The following GTF2H5 variants were observed in gnomAD, a reference collection of about 807,000 sequenced individuals.
The protein encoded by GTF2H5 is TFB5 ortholog.
A neutral mutation model predicts 7.1 loss-of-function variants in GTF2H5; 5 were observed. That is an observed-to-expected ratio of 0.71 (90% CI 0.37 to 1.49). The LOEUF (loss-of-function observed/expected upper bound fraction) is 1.49. GTF2H5 is among the 40% of genes most tolerant of loss of function. The probability of loss-of-function intolerance (pLI) is 0.03; values close to 1 mark genes in which losing one functional copy is unlikely to be tolerated. For synonymous variants in GTF2H5, 30 were observed against 31.7 expected (o/e 0.95, Z 0.18); for missense variants, 80 against 83.0 (o/e 0.96, Z 0.14).
chr6:158,177,679 G>A (rs939173139), intron 2 of GTF2H5, among the ~76,000 whole-genome samples: 5 of 152,088 alleles, frequency 3.3e-5, no homozygotes, highest in Admixed American at 1.3e-4. Context: ...CCATCTACCC[G>A]TCACCTACAC....
intron 1 of GTF2H5, among the ~76,000 whole-genome samples, chr6:158,169,871 T>G (rs1785825811): frequency 7.0e-6 from 1 of 143,036 alleles, no homozygotes; most frequent in Non-Finnish European, 1.5e-5. Flanking sequence ...ACACAGTACA[T>G]TAGCTGGGCT....
Position 158,198,560 on chromosome 6 carries a change from A to C in GTF2H5, c.*6403A>C, listed in dbSNP as rs1357943194. The C allele has an allele frequency of 1.3e-5, 2 of 152,196 alleles. No homozygotes were observed. Among genetic ancestry groups the C allele is most frequent in the African/African-American group, 2.4e-5 (1 of 41,454 alleles). The allele number at this position is 152,196 out of a possible 1,614,324, so 9.4% of individuals were successfully genotyped here. A position where few individuals can be genotyped will look rare whatever the true frequency, so the allele number is the denominator to read the frequency against. ...TCGTGCCTCAGCCATCCCTATAGGC[A>C]TGCGCCACCACACTTTGCTAATCTT... On this transcript the variant is annotated 3_prime_UTR_variant, in exon 3 of 3. Transcript: ENST00000607778.
At position 158,169,468 on chromosome 6, in the gene GTF2H5, T is replaced by A. The variant is rs1249022120; in HGVS notation, c.-34-1002T>A. On this transcript the variant is annotated intron_variant, in intron 1 of 2. Transcript: ENST00000607778. ...ATATTATATATTATATATATTATAT[T>A]GTATATTATATATAATATATTGTAT... Among the ~76,000 whole-genome samples, 12 of 65,244 alleles carry A rather than the reference T, an allele frequency of 1.8e-4. 1 individual carries two copies. Among genetic ancestry groups the A allele is most frequent in the African/African-American group, 7.0e-4 (9 of 12,836 alleles). 42.8% of individuals were successfully genotyped at this position (65,244 alleles called of 152,430 possible).
chr6:158,191,718 G>C (rs951683754), intron 2 of GTF2H5, among the ~76,000 whole-genome samples: 2 of 152,144 alleles, frequency 1.3e-5, no homozygotes, highest in African/African-American at 4.8e-5. Context: ...TCCTGACCTG[G>C]TGATCCACCC....
Position 158,170,451 on chromosome 6 carries a change from A to G in GTF2H5, c.-34-19A>G, listed in dbSNP as rs1237904068. ...AGTTAATGATTTTTAATTTAATGTT[A>G]CCTTACTCTTTTTATTAGCATTCTT... On this transcript the variant is annotated intron_variant, in intron 1 of 2. Transcript: ENST00000607778. 1.1e-5 allele frequency: 16 copies of G among 1,433,416 alleles called. No individual in the cohort carries two copies. The highest frequency in any genetic ancestry group is 1.6e-5 in the Non-Finnish European group (16 of 1,015,796). The allele number at this position is 1,433,416 out of a possible 1,614,324, so 88.8% of individuals were successfully genotyped here.
intron 2 of GTF2H5, among the ~76,000 whole-genome samples, chr6:158,183,643 C>T (rs1415518468): frequency 6.6e-6 from 1 of 152,204 alleles, no homozygotes; most frequent in Non-Finnish European, 1.5e-5. Flanking sequence ...CTCCGGTGTC[C>T]CAAGTCAATC....
chr6:158,174,748 G>A (rs1583629479), intron 2 of GTF2H5, among the ~76,000 whole-genome samples: 1 of 152,314 alleles, frequency 6.6e-6, no homozygotes, highest in East Asian at 1.9e-4. Context: ...GCAAAGATTT[G>A]TTGCCAAGGT....
rs112043519 is a variant in GTF2H5 at position 158,191,681 on chromosome 6, A to G, written c.36-296A>G. Reference sequence around the variant, plus strand: ...GTATTTTTAGTAGAGACGGGGTTTCACCGTGTTAGCCAGGATGGTCTCGAT... The same window carrying G: ...GTATTTTTAGTAGAGACGGGGTTTCGCCGTGTTAGCCAGGATGGTCTCGAT... On this transcript the variant is annotated intron_variant, in intron 2 of 2. Transcript: ENST00000607778. Among the ~76,000 whole-genome samples, 5,362 of 152,104 alleles carry G rather than the reference A, an allele frequency of 0.035. 305 individuals carry two copies. Among genetic ancestry groups the G allele is most frequent in the African/African-American group, 0.12 (5,059 of 41,436 alleles).
rs911537710 is a variant in GTF2H5 at position 158,194,000 on chromosome 6, A to C, written c.*1843A>C. The C allele has an allele frequency of 7.2e-5, 11 of 151,944 alleles. No individual in the cohort carries two copies. The highest frequency in any genetic ancestry group is 4.6e-4 in the Admixed American group (7 of 15,238). 9.4% of individuals were successfully genotyped at this position (151,944 alleles called of 1,614,324 possible). A position where few individuals can be genotyped will look rare whatever the true frequency, so the allele number is the denominator to read the frequency against. The stretch of plus-strand genomic sequence containing the variant: ...GGAGACTCCATCTCAAAAAAAAAAA[A>C]AAAAAAAAATGAATTTCCAGCTATA... On this transcript the variant is annotated 3_prime_UTR_variant, in exon 3 of 3. Coordinates refer to ENST00000607778, the MANE Select transcript of GTF2H5 (RefSeq NM_207118.3).
intron 1 of GTF2H5, among the ~76,000 whole-genome samples, chr6:158,169,403 T>C (rs1400511738): frequency 1.4e-5 from 1 of 70,362 alleles, no homozygotes; most frequent in East Asian, 7.8e-4. Flanking sequence ...AATATTATAT[T>C]GTATATTATA....
intron 1 of GTF2H5, among the ~76,000 whole-genome samples, chr6:158,170,045 G>T (rs1245242858): frequency 6.6e-6 from 1 of 151,702 alleles, no homozygotes; most frequent in Non-Finnish European, 1.5e-5. Flanking sequence ...TAAACTAAAA[G>T]GAGGTGGTTG....
At chr6:158,174,731 T>G (rs1326785081) in intron 2 of GTF2H5, among the ~76,000 whole-genome samples, 2 of 152,214 alleles carry the variant, frequency 1.3e-5, no homozygotes, top group Non-Finnish European at 2.9e-5. Flanking sequence ...GTTTGGCAAG[T>G]GCTTCAGCAA....
rs989018462 is a variant in GTF2H5 at position 158,193,993 on chromosome 6, A to AAAG, written c.*1838_*1839insGAA. ...GACAGAGGGAGACTCCATCTCAAAA[A>AAAG]AAAAAAAAAAAAAAAATGAATTTCC... On this transcript the variant is annotated 3_prime_UTR_variant, in exon 3 of 3. Transcript: ENST00000607778. The AAAG allele has an allele frequency of 2.6e-5, 4 of 151,046 alleles. No homozygotes were observed. The highest frequency in any genetic ancestry group is 9.8e-5 in the African/African-American group (4 of 40,712). The allele number at this position is 151,046 out of a possible 1,614,324, so 9.4% of individuals were successfully genotyped here.
rs534868026 is a variant in GTF2H5, at chr6:158,190,178, C to T, written c.36-1799C>T. Among the ~76,000 whole-genome samples, 3 of 152,110 alleles carry T rather than the reference C, an allele frequency of 2.0e-5. No homozygotes were observed. In the South Asian group the frequency reaches 6.2e-4, roughly 32 times the overall value. ...TAGGCCTCTCGAAGTGCTGGGATTA[C>T]AGCATGAGCCACCATGCCCACCCTA... On this transcript the variant is annotated intron_variant, in intron 2 of 2. Coordinates refer to ENST00000607778, the MANE Select transcript of GTF2H5 (RefSeq NM_207118.3).
chr6:158,169,725 A>G lies in GTF2H5; in HGVS notation c.-34-745A>G, dbSNP rs758654151. On this transcript the variant is annotated intron_variant, in intron 1 of 2. Coordinates refer to ENST00000607778, the MANE Select transcript of GTF2H5 (RefSeq NM_207118.3). ...ATATATTGTATATTATATATTATAT[A>G]ATATATTGTATATTATATATTATAT... 3.5e-4 allele frequency among the ~76,000 whole-genome samples: 24 copies of G among 68,144 alleles called. 2 individuals carry two copies. Among genetic ancestry groups the G allele is most frequent in the Non-Finnish European group, 5.0e-4 (21 of 42,044 alleles). The allele number at this position is 68,144 out of a possible 152,430, so 44.7% of individuals were successfully genotyped here. A position where few individuals can be genotyped will look rare whatever the true frequency, so the allele number is the denominator to read the frequency against.
rs1231920619 is a variant in GTF2H5 at position 158,192,986 on chromosome 6, A to C, written c.*829A>C. 1 of 151,988 alleles carries C rather than the reference A, an allele frequency of 6.6e-6. No homozygotes were observed. Among genetic ancestry groups the C allele is most frequent in the Non-Finnish European group, 1.5e-5 (1 of 68,052 alleles). 9.4% of individuals were successfully genotyped at this position (151,988 alleles called of 1,614,324 possible). On this transcript the variant is annotated 3_prime_UTR_variant, in exon 3 of 3. Coordinates refer to ENST00000607778, the MANE Select transcript of GTF2H5 (RefSeq NM_207118.3). ...TACTTATCAAACTTATCTAAAAAAG[A>C]AAAATAGGAACAGCCATATGCAAAG... is the stretch of plus-strand genomic sequence containing the variant.
intron 2 of GTF2H5, among the ~76,000 whole-genome samples, chr6:158,180,057 G>A (rs1268561100): frequency 1.3e-5 from 2 of 152,122 alleles, no homozygotes; most frequent in Admixed American, 6.6e-5. Context: ...AGCATGAAAG[G>A]CTGTTGAATT....
Position 158,197,314 on chromosome 6 carries a change from C to T in GTF2H5, c.*5157C>T, listed in dbSNP as rs1248574664. On this transcript the variant is annotated 3_prime_UTR_variant, in exon 3 of 3. Transcript: ENST00000607778. Reference sequence around the variant, plus strand: ...GCACAGTCGTCATGCAAAATAGTCACTACTCATTCAAAAACTCTATAGTTG... The same window carrying T: ...GCACAGTCGTCATGCAAAATAGTCATTACTCATTCAAAAACTCTATAGTTG... The T allele has an allele frequency of 5.2e-6, 1 of 193,172 alleles. No homozygotes were observed. The highest frequency in any genetic ancestry group is 1.2e-5 in the Non-Finnish European group (1 of 84,614). 12.0% of individuals were successfully genotyped at this position (193,172 alleles called of 1,614,324 possible).
chr6:158,177,066 C>A (rs1247340449), intron 2 of GTF2H5, among the ~76,000 whole-genome samples: 1 of 152,224 alleles, frequency 6.6e-6, no homozygotes, highest in Non-Finnish European at 1.5e-5. Context: ...CACAGTGCTT[C>A]AGAGATTTTG....
Sources: gnomAD v4.1 joint callset for allele counts (sites outside exome capture counted in the v4.1 genomes callset) on GRCh38, gnomAD v4.1.1 for gene constraint, MANE v1.5 for transcripts, NCBI Gene and HGNC (gene_info 2026-07-23, HGNC 2026-07-21) for gene names.